The following GPC5 variants were observed in gnomAD, a reference collection of about 807,000 sequenced individuals.
GPC5 encodes the protein glypican 5.
A neutral mutation model predicts 53.9 loss-of-function variants in GPC5; 47 were observed. That is an observed-to-expected ratio of 0.87 (90% CI 0.69 to 1.11). The LOEUF is 1.11. GPC5 is among the 50% of genes most tolerant of loss of function. GPC5 has a pLI of 0.00. For synonymous variants in GPC5, 286 were observed against 263.3 expected (o/e 1.09, Z -0.84); for missense variants, 748 against 713.1 (o/e 1.05, Z -0.56).
chr13:91,584,990 C>T (rs1276597244), intron 2 of GPC5, among the ~76,000 whole-genome samples: 2 of 152,106 alleles, frequency 1.3e-5, no homozygotes, highest in Non-Finnish European at 2.9e-5. Flanking sequence ...TATAAGACAT[C>T]CCTATAAATC....
intron 5 of GPC5, among the ~76,000 whole-genome samples, chr13:91,867,255 G>T: frequency 6.6e-6 from 1 of 152,062 alleles, no homozygotes; most frequent in Non-Finnish European, 1.5e-5. Context: ...CTCTACTGCT[G>T]AGGTAACTGT....
At chr13:91,801,673 C>A (rs1474010215) in intron 5 of GPC5, among the ~76,000 whole-genome samples, 1 of 152,130 alleles carries the variant, frequency 6.6e-6, no homozygotes, top group Non-Finnish European at 1.5e-5. Flanking sequence ...TTTCTAATAA[C>A]CAACATTTAT....
intron 7 of GPC5, among the ~76,000 whole-genome samples, chr13:92,512,943 G>T (rs1051283268): frequency 6.6e-6 from 1 of 152,072 alleles, no homozygotes; most frequent in Non-Finnish European, 1.5e-5. Flanking sequence ...AATTGAATGG[G>T]GCCAGCACGT....
chr13:91,464,371 G>C (rs983746977), intron 2 of GPC5, among the ~76,000 whole-genome samples: 1 of 152,068 alleles, frequency 6.6e-6, no homozygotes, highest in Non-Finnish European at 1.5e-5. Context: ...ATGCACGCTT[G>C]GACATTTATT....
intron 6 of GPC5, among the ~76,000 whole-genome samples, chr13:92,133,109 C>A (rs2041757725): frequency 6.6e-6 from 1 of 152,084 alleles, no homozygotes; most frequent in Non-Finnish European, 1.5e-5. Flanking sequence ...GTCAAATACC[C>A]ACCTACCCCC....
At chr13:91,731,121 T>A (rs935550392) in intron 4 of GPC5, among the ~76,000 whole-genome samples, 4 of 152,238 alleles carry the variant, frequency 2.6e-5, no homozygotes, top group African/African-American at 9.6e-5. Context: ...AAGTGAATTA[T>A]TTCCAACTGT....
At chr13:91,615,881 C>A (rs551993175) in intron 2 of GPC5, among the ~76,000 whole-genome samples, 16 of 152,208 alleles carry the variant, frequency 1.1e-4, no homozygotes, top group Non-Finnish European at 1.9e-4. Flanking sequence ...AAATATACTA[C>A]TAGGATAGTT....
intron 3 of GPC5, among the ~76,000 whole-genome samples, chr13:91,726,505 T>A (rs1341345844): frequency 1.3e-5 from 2 of 152,184 alleles, no homozygotes; most frequent in African/African-American, 4.8e-5. Context: ...TTTCTCTGAC[T>A]TACCCTTTAA....
chr13:91,638,739 A>T (rs1296453007), intron 2 of GPC5, among the ~76,000 whole-genome samples: 4 of 152,214 alleles, frequency 2.6e-5, no homozygotes, highest in East Asian at 1.9e-4. Context: ...GATTCAAAAA[A>T]TTTTTTAAAC....
At chr13:92,856,827 G>A (rs1278536651) in intron 7 of GPC5, among the ~76,000 whole-genome samples, 4 of 151,874 alleles carry the variant, frequency 2.6e-5, no homozygotes, top group Non-Finnish European at 5.9e-5. Context: ...GAAAGAAATT[G>A]CAGATGACAC....
At chr13:92,597,291 A>T (rs2139075601) in intron 7 of GPC5, among the ~76,000 whole-genome samples, 1 of 151,640 alleles carries the variant, frequency 6.6e-6, no homozygotes, top group South Asian at 2.1e-4. Flanking sequence ...AAGGATGTAG[A>T]GAAAAGGAAA....
intron 7 of GPC5, among the ~76,000 whole-genome samples, chr13:92,316,468 T>C (rs2043179896): frequency 6.6e-6 from 1 of 152,120 alleles, no homozygotes; most frequent in African/African-American, 2.4e-5. Flanking sequence ...ATAATTACTT[T>C]TTTGCCATGA....
chr13:91,499,004 T>C (rs369201123), intron 2 of GPC5, among the ~76,000 whole-genome samples: 72 of 151,270 alleles, frequency 4.8e-4, no homozygotes, highest in African/African-American at 1.6e-3. Flanking sequence ...GCTGCTGCAG[T>C]CATTCAGGTG....
intron 2 of GPC5, among the ~76,000 whole-genome samples, chr13:91,490,053 C>T (rs557673576): frequency 5.9e-5 from 9 of 152,232 alleles, no homozygotes; most frequent in Admixed American, 5.2e-4. Context: ...TTAAATGCCA[C>T]GTAATCACTA....
At chr13:92,651,145 C>T (rs975646705) in intron 7 of GPC5, among the ~76,000 whole-genome samples, 3 of 151,228 alleles carry the variant, frequency 2.0e-5, no homozygotes, top group Non-Finnish European at 4.4e-5. Flanking sequence ...ATCTTGTGAG[C>T]TAATACTTAA....
At chr13:91,948,079 A>T (rs147472670) in intron 6 of GPC5, among the ~76,000 whole-genome samples, 3,205 of 151,792 alleles carry the variant, frequency 0.021, 102 homozygotes, top group African/African-American at 0.073. Context: ...ATACAAAAAA[A>T]TTGCCAGGTG....
At chr13:92,743,207 C>CT (rs1594472011) in intron 7 of GPC5, among the ~76,000 whole-genome samples, 1 of 152,092 alleles carries the variant, frequency 6.6e-6, no homozygotes, top group East Asian at 1.9e-4. Context: ...TTGATTCTTC[C>CT]TATCCATGAG....
At chr13:92,256,717 G>A (rs1239929098) in intron 7 of GPC5, among the ~76,000 whole-genome samples, 1 of 151,458 alleles carries the variant, frequency 6.6e-6, no homozygotes, top group South Asian at 2.1e-4. Context: ...ATTTTAGTCA[G>A]TATTTCCTGA....
At chr13:92,263,515 T>A (rs77897789) in intron 7 of GPC5, among the ~76,000 whole-genome samples, 2,423 of 152,290 alleles carry the variant, frequency 0.016, 71 homozygotes, top group African/African-American at 0.054. Context: ...CTAAGGATAA[T>A]ATTCCCTTCT....
Sources: gnomAD v4.1 joint callset for allele counts (sites outside exome capture counted in the v4.1 genomes callset) on GRCh38, gnomAD v4.1.1 for gene constraint, MANE v1.5 for transcripts, NCBI Gene and HGNC (gene_info 2026-07-23, HGNC 2026-07-21) for gene names.